Variants in ARHGAP39 observed in about 807,000 individuals in gnomAD.
The protein encoded by ARHGAP39 is rho GTPase-activating protein 39.
A neutral mutation model predicts 106.9 loss-of-function variants in ARHGAP39; 44 were observed. That is an observed-to-expected ratio of 0.41 (90% CI 0.32 to 0.53). The LOEUF (loss-of-function observed/expected upper bound fraction) is 0.53. Ranked by LOEUF, ARHGAP39 falls within the 20% of genes least tolerant of loss-of-function variation. ARHGAP39 has a pLI of 0.21. For missense variants in ARHGAP39, 1,496 were observed against 1,577.3 expected, an observed-to-expected ratio of 0.95 and a Z score of 0.87; for synonymous variants, 768 against 693.2, an observed-to-expected ratio of 1.11 and a Z score of -1.69.
intron 3 of ARHGAP39, among the ~76,000 whole-genome samples, chr8:144,564,308 C>G (rs1047881876): frequency 8.5e-5 from 13 of 152,220 alleles, no homozygotes; most frequent in African/African-American, 2.9e-4. Context: ...CCCCCGTTGT[C>G]CCCTGAGCAC....
intron 2 of ARHGAP39, among the ~76,000 whole-genome samples, chr8:144,602,586 GTGTGGAGGTGTGTGTGCGAGCT>G: frequency 6.9e-6 from 1 of 144,578 alleles, no homozygotes; most frequent in African/African-American, 2.6e-5. Flanking sequence ...GTGTGCATGT[GTGTGGAGGTGTGTGTGCGAGCT>G]CATGTACCTG....
At chr8:144,695,121 C>G in the ARHGAP39 span, among the ~76,000 whole-genome samples, 6,622 of 142,366 alleles carry the variant, frequency 0.047, 560 homozygotes, top group East Asian at 0.36. Flanking sequence ...GTGGCCCAGG[C>G]TGAAGTGCAG....
chr8:144,557,688 A>G (rs1817994722), intron 3 of ARHGAP39, among the ~76,000 whole-genome samples: 1 of 152,168 alleles, frequency 6.6e-6, no homozygotes, highest in Admixed American at 6.6e-5. Context: ...CCTTCATAGT[A>G]TTCAGAGGCA....
Position 144,530,503 on chromosome 8 carries a change from G to A in ARHGAP39, c.3264C>T (p.Phe1088=), listed in dbSNP as rs1193321986. 2 of 1,611,960 alleles carry A rather than the reference G, an allele frequency of 1.2e-6. No homozygotes were observed. Among genetic ancestry groups the A allele is most frequent in the Admixed American group, 1.7e-5 (1 of 59,968 alleles). The change falls in exon 12 of 12, where the codon TTC becomes TTT. Residue 1088 remains phenylalanine, a synonymous_variant. Coordinates refer to ENST00000377307, the MANE Select transcript of ARHGAP39 (RefSeq NM_025251.3). ...RCQSDDPRVI[F]ENTRKEMSFL... ...AGGACATCTCCTTGCGGGTGTTCTC[G>A]AAGATGACGCGCGGGTCGTCGGACT...
Position 144,548,899 on chromosome 8 carries a change from T to C in ARHGAP39, c.597-410A>G, listed in dbSNP as rs1817589668. Reference sequence around the variant, plus strand: ...GTTGGACCCGTCCCAGTGGTCCAGGTGAGCCCAGCAGGAGGAAGGCACACC... The same window carrying C: ...GTTGGACCCGTCCCAGTGGTCCAGGCGAGCCCAGCAGGAGGAAGGCACACC... On this transcript the variant is annotated intron_variant, in intron 4 of 11. Coordinates refer to ENST00000377307, the MANE Select transcript of ARHGAP39 (RefSeq NM_025251.3). The surrounding 1 kb of genome is among the most constrained non-coding windows in gnomAD (Gnocchi z 7.4). 6.6e-6 allele frequency among the ~76,000 whole-genome samples: 1 copy of C among 152,154 alleles called. No individual in the cohort carries two copies. The highest frequency in any genetic ancestry group is 6.5e-5 in the Admixed American group (1 of 15,272).
At position 144,644,981 on chromosome 8, in the gene ARHGAP39, G is replaced by A. The variant is rs539735204; in HGVS notation, c.-81-39286C>T. ...CCATTCAGGACAGAAGTCAGTCCTC[G>A]CAGGCTTGTCCCTGGGTGGCAGGTG... On this transcript the variant is annotated intron_variant, in intron 1 of 11. Transcript: ENST00000377307. The surrounding 1 kb of genome is among the most constrained non-coding windows in gnomAD (Gnocchi z 4.8). Among the ~76,000 whole-genome samples, 52 of 152,336 alleles carry A rather than the reference G, an allele frequency of 3.4e-4. 2 individuals are homozygous for A. In the South Asian group the frequency reaches 0.011, roughly 31 times the overall value.
intron 1 of ARHGAP39, among the ~76,000 whole-genome samples, chr8:144,607,762 C>T (rs1335053627): frequency 1.3e-5 from 2 of 152,232 alleles, no homozygotes; most frequent in South Asian, 2.1e-4. Context: ...CGCTCACAAG[C>T]GGGGTAACCA....
intron 1 of ARHGAP39, among the ~76,000 whole-genome samples, chr8:144,639,172 C>G (rs1466890728): frequency 1.3e-5 from 2 of 151,786 alleles, no homozygotes; most frequent in Non-Finnish European, 2.9e-5. Flanking sequence ...ACTAAAAATA[C>G]AAAAATTAGC....
the ARHGAP39 span, among the ~76,000 whole-genome samples, chr8:144,694,160 G>A: frequency 6.6e-6 from 1 of 152,202 alleles, no homozygotes; most frequent in Non-Finnish European, 1.5e-5. Flanking sequence ...GATGGGACTT[G>A]TGTTTTAAAG....
the ARHGAP39 span, among the ~76,000 whole-genome samples, chr8:144,694,623 T>G: frequency 6.6e-6 from 1 of 152,208 alleles, no homozygotes; most frequent in Admixed American, 6.5e-5. Flanking sequence ...ACATTGGAGT[T>G]TCAGGCCTTT....
Position 144,547,234 on chromosome 8 carries a change from T to TCCAGTGCCTGTTCTCCTGCTGGG in ARHGAP39, c.1829_1851dup (p.Arg618ProfsTer16). The stretch of plus-strand genomic sequence containing the variant: ...CCTAGCTTCTCGAAGGTGCCCCTCC[T>TCCAGTGCCTGTTCTCCTGCTGGG]CCAGTGCCTGTTCTCCTGCTGGGCC... On this transcript the variant is annotated frameshift_variant, in exon 5 of 12. Coordinates refer to ENST00000377307, the MANE Select transcript of ARHGAP39 (RefSeq NM_025251.3). LOFTEE classifies it high-confidence loss of function. This position sits in a 1 kb window ranked among gnomAD's most constrained non-coding sequence, Gnocchi z 5.2. The TCCAGTGCCTGTTCTCCTGCTGGG allele has an allele frequency of 6.2e-7, 1 of 1,612,640 alleles. No individual in the cohort carries two copies. The highest frequency in any genetic ancestry group is 8.5e-7 in the Non-Finnish European group (1 of 1,179,804).
At chr8:144,699,725 C>T in the ARHGAP39 span, among the ~76,000 whole-genome samples, 1 of 151,880 alleles carries the variant, frequency 6.6e-6, no homozygotes, top group Non-Finnish European at 1.5e-5. Flanking sequence ...GTTGACTTCG[C>T]GTCACCAACT....
At chr8:144,574,567 G>A (rs981815289) in intron 3 of ARHGAP39, among the ~76,000 whole-genome samples, 6 of 152,206 alleles carry the variant, frequency 3.9e-5, no homozygotes, top group Non-Finnish European at 8.8e-5. Flanking sequence ...CCAGCTACTC[G>A]GGAGGCTGAG....
chr8:144,603,976 C>T (rs1381823063), intron 2 of ARHGAP39, among the ~76,000 whole-genome samples: 3 of 152,020 alleles, frequency 2.0e-5, no homozygotes, highest in Non-Finnish European at 2.9e-5. Flanking sequence ...ATATCAACCC[C>T]GAAAAAACCC....
chr8:144,631,870 G>A (rs1002896377), intron 1 of ARHGAP39, among the ~76,000 whole-genome samples: 2 of 152,246 alleles, frequency 1.3e-5, no homozygotes, highest in Non-Finnish European at 2.9e-5. Flanking sequence ...AACTGTCAGT[G>A]TCAAGAACTG....
At chr8:144,652,879 T>C (rs1821607471) in intron 1 of ARHGAP39, among the ~76,000 whole-genome samples, 1 of 151,676 alleles carries the variant, frequency 6.6e-6, no homozygotes, top group South Asian at 2.1e-4. Context: ...AGTTCACCTA[T>C]GTAACAAACC....
chr8:144,616,012 AG>A (rs1453931967), intron 1 of ARHGAP39, among the ~76,000 whole-genome samples: 1 of 152,098 alleles, frequency 6.6e-6, no homozygotes, highest in Non-Finnish European at 1.5e-5. Flanking sequence ...CCTTTCTGGG[AG>A]GGGGAAAGGA....
intron 7 of ARHGAP39, among the ~76,000 whole-genome samples, chr8:144,536,659 C>T (rs1031387484): frequency 6.6e-5 from 10 of 152,130 alleles, no homozygotes; most frequent in African/African-American, 2.4e-4. Context: ...CTGGGTGACT[C>T]GGGACTGGGC....
intron 1 of ARHGAP39, among the ~76,000 whole-genome samples, chr8:144,662,460 A>C (rs1339870896): frequency 9.9e-5 from 10 of 101,352 alleles, no homozygotes; most frequent in African/African-American, 1.6e-4. Context: ...CCCATTATCC[A>C]CCTTGGGTCA....
Sources: gnomAD v4.1 joint callset for allele counts (sites outside exome capture counted in the v4.1 genomes callset) on GRCh38, gnomAD v4.1.1 for gene constraint, Gnocchi (gnomAD v3.1) non-coding constraint, MANE v1.5 for transcripts, NCBI Gene and HGNC (gene_info 2026-07-23, HGNC 2026-07-21) for gene names.